MYBL1: variants seen among roughly 807,000 people sequenced by gnomAD.
MYBL1 encodes the protein myb-related protein A.
MYBL1 carries 17 observed loss-of-function variants against 96.3 expected under a neutral mutation model. The ratio of observed to expected loss-of-function variants is 0.18; its 90% CI spans 0.12 to 0.26. The LOEUF (loss-of-function observed/expected upper bound fraction) is 0.26, where lower values mean the gene tolerates loss of function less well. Among genes scored for constraint, MYBL1 ranks in the 10% least tolerant of loss-of-function variants. The pLI is 1.00. For synonymous variants in MYBL1, 282 were observed against 292.7 expected (o/e 0.96, Z 0.37); for missense variants, 701 against 882.9 (o/e 0.79, Z 2.61).
chr8:66,577,713 A>C (rs1297063326), intron 9 of MYBL1, among the ~76,000 whole-genome samples: 49 of 152,118 alleles, frequency 3.2e-4, no homozygotes, highest in Admixed American at 1.7e-3. Context: ...TTCTTCACAG[A>C]ATTGGAAAAA....
intron 8 of MYBL1, among the ~76,000 whole-genome samples, chr8:66,589,996 C>T (rs1035430972): frequency 6.6e-6 from 1 of 152,010 alleles, no homozygotes; most frequent in Non-Finnish European, 1.5e-5. Context: ...ACTGCTTAAA[C>T]CTAAGAGGCT....
intron 1 of MYBL1, among the ~76,000 whole-genome samples, chr8:66,607,126 CA>C (rs941254127): frequency 1.5e-5 from 2 of 131,110 alleles, no homozygotes; most frequent in Non-Finnish European, 3.4e-5. Flanking sequence ...TGTGTTAAAA[CA>C]ACAAAAAAAA....
At chr8:66,580,858 C>CTT (rs796667192) in intron 8 of MYBL1, among the ~76,000 whole-genome samples, 12 of 137,268 alleles carry the variant, frequency 8.7e-5, no homozygotes, top group Admixed American at 1.7e-4. Flanking sequence ...GGAAGCTCTT[C>CTT]TTTTTTTTTT....
intron 8 of MYBL1, among the ~76,000 whole-genome samples, chr8:66,585,139 C>T (rs145657080): frequency 3.3e-4 from 50 of 152,146 alleles, no homozygotes; most frequent in African/African-American, 1.1e-3. Flanking sequence ...CACACTAACA[C>T]GCTTCCAAAT....
At chr8:66,582,694 G>A (rs1386716324) in intron 8 of MYBL1, among the ~76,000 whole-genome samples, 1 of 148,724 alleles carries the variant, frequency 6.7e-6, no homozygotes, top group South Asian at 2.1e-4. Context: ...TTTCAGCCTG[G>A]GGGGACGGAG....
rs980168782 is a variant in MYBL1, at chr8:66,563,731, A to T, written c.*966T>A. 3.3e-5 allele frequency: 5 copies of T among 152,470 alleles called. No homozygotes were observed. In the East Asian group the frequency reaches 9.6e-4, roughly 29 times the overall value. The allele number at this position is 152,470 out of a possible 1,614,324, so 9.4% of individuals were successfully genotyped here. ...AGAAAATATTAAATTATTATTTAGT[A>T]CATTTTTAGAACTACTTTATAACCA... is the stretch of plus-strand genomic sequence containing the variant. On this transcript the variant is annotated 3_prime_UTR_variant, in exon 16 of 16. Transcript: ENST00000522677.
rs773158414 is a variant in MYBL1, at chr8:66,576,094, G to T, written c.1383C>A (p.Ser461Arg). 6.2e-7 allele frequency: 1 copy of T among 1,613,904 alleles called. No homozygotes were observed. The highest frequency in any genetic ancestry group is 1.7e-5 in the Admixed American group (1 of 60,008). ...CGTTCAATGAGCCATCCCTAAGTTC[G>T]CTGCCTGGGGAATGACCCACTCGCA... is the stretch of plus-strand genomic sequence containing the variant. ...RKMRVGHSPG[S>R]ELRDGSLNDG... Residue 461 changes from serine to arginine, a missense_variant, in exon 10 of 16, where the codon AGC becomes AGA. By Grantham distance (110) the Ser-to-Arg change is moderately radical (BLOSUM62 -1). This residue lies in a region of MYBL1 where 396 missense variants were observed against 407.4 expected (regional missense o/e 0.97). Transcript: ENST00000522677.
At chr8:66,575,012 C>A (rs1407114170) in intron 10 of MYBL1, among the ~76,000 whole-genome samples, 3 of 152,092 alleles carry the variant, frequency 2.0e-5, no homozygotes, top group Non-Finnish European at 2.9e-5. Flanking sequence ...CGAGATGGTG[C>A]CATTGCACCC....
intron 12 of MYBL1, among the ~76,000 whole-genome samples, chr8:66,568,599 G>C (rs987811046): frequency 6.6e-6 from 1 of 151,236 alleles, no homozygotes; most frequent in Non-Finnish European, 1.5e-5. Context: ...CACCACCCCC[G>C]GTCTCAAAGA....
intron 10 of MYBL1, among the ~76,000 whole-genome samples, chr8:66,575,767 G>C (rs1469395978): frequency 6.6e-6 from 1 of 152,046 alleles, no homozygotes; most frequent in African/African-American, 2.4e-5. Context: ...TCCAACCTCG[G>C]CAACAAAGTG....
chr8:66,568,430 G>A (rs896960638), intron 12 of MYBL1, among the ~76,000 whole-genome samples: 2 of 151,844 alleles, frequency 1.3e-5, no homozygotes, highest in African/African-American at 4.8e-5. Context: ...GGGATCAACC[G>A]AGTAGCTAGC....
At chr8:66,572,809 A>G (rs1808786842) in intron 11 of MYBL1, among the ~76,000 whole-genome samples, 1 of 152,212 alleles carries the variant, frequency 6.6e-6, no homozygotes, top group Non-Finnish European at 1.5e-5. Context: ...AATATAGAAA[A>G]AAGTACTAGA....
intron 15 of MYBL1, 59 bp downstream of exon 15, chr8:66,566,005 C>T: frequency 3.4e-6 from 4 of 1,161,364 alleles, no homozygotes; most frequent in Non-Finnish European, 2.4e-6. Context: ...TCAGTAAATC[C>T]AAAGTGATCA....
intron 1 of MYBL1, among the ~76,000 whole-genome samples, chr8:66,611,005 T>TATTCTCAATAA (rs1328925750): frequency 6.6e-6 from 1 of 152,210 alleles, no homozygotes; most frequent in Non-Finnish European, 1.5e-5. Context: ...AAGCTCACAG[T>TATTCTCAATAA]ATTCTCAATA....
Position 66,613,032 on chromosome 8 carries a change from C to G in MYBL1, c.-194G>C, listed in dbSNP as rs1293539756. ...GGGCGGACCGCGACCCGACCCCGAC[C>G]CCGGCCCGCAGCGCCGCTCTTAGCC... is the stretch of plus-strand genomic sequence containing the variant. On this transcript the variant is annotated 5_prime_UTR_variant, in exon 1 of 16. Coordinates refer to ENST00000522677, the MANE Select transcript of MYBL1 (RefSeq NM_001080416.4). The G allele has an allele frequency of 1.9e-6, 1 of 526,200 alleles. No homozygotes were observed. Among genetic ancestry groups the G allele is most frequent in the East Asian group, 3.5e-5 (1 of 28,638 alleles). The allele number at this position is 526,200 out of a possible 1,614,324, so 32.6% of individuals were successfully genotyped here. A position where few individuals can be genotyped will look rare whatever the true frequency, so the allele number is the denominator to read the frequency against.
chr8:66,566,666 T>C lies in MYBL1; in HGVS notation c.1950+18A>G, dbSNP rs1808515589. On this transcript the variant is annotated intron_variant, in intron 14 of 15. Coordinates refer to ENST00000522677, the MANE Select transcript of MYBL1 (RefSeq NM_001080416.4). The stretch of plus-strand genomic sequence containing the variant: ...AAGCAACCATTTAAAATAACAACAA[T>C]AATAATCCTTTACAAACCTGCATGT... 6.6e-7 allele frequency: 1 copy of C among 1,509,234 alleles called. No homozygotes were observed. 93.5% of individuals were successfully genotyped at this position (1,509,234 alleles called of 1,614,324 possible).
Position 66,604,555 on chromosome 8 carries a change from C to G in MYBL1, c.21-2032G>C, listed in dbSNP as rs117979977. On this transcript the variant is annotated intron_variant, in intron 1 of 15. Coordinates refer to ENST00000522677, the MANE Select transcript of MYBL1 (RefSeq NM_001080416.4). ...GTGTCCTACTTTACAATAAAATAAA[C>G]TGGAGTGAAGCAATTATTTACATTT... Among the ~76,000 whole-genome samples the G allele has an allele frequency of 4.0e-3, 611 of 151,190 alleles. 8 individuals are homozygous for G. The highest frequency in any genetic ancestry group is 4.2e-3 in the Non-Finnish European group (287 of 67,768).
At chr8:66,602,726 TATA>T (rs1563551208) in intron 1 of MYBL1, among the ~76,000 whole-genome samples, 73 of 51,020 alleles carry the variant, frequency 1.4e-3, no homozygotes, top group African/African-American at 4.5e-3. Flanking sequence ...TATATATATA[TATA>T]TATATTTTTT....
chr8:66,580,930 G>T (rs1354840599), intron 8 of MYBL1, among the ~76,000 whole-genome samples: 6 of 149,916 alleles, frequency 4.0e-5, no homozygotes, highest in African/African-American at 1.5e-4. Context: ...GTGCTCTCTC[G>T]GCTCACTGCA....
Sources: allele counts gnomAD v4.1 joint callset (sites outside exome capture counted in the v4.1 genomes callset), GRCh38; gene constraint gnomAD v4.1.1; regional missense constraint gnomAD v4.1.1; transcripts MANE v1.5; gene names NCBI Gene and HGNC (gene_info 2026-07-23, HGNC 2026-07-21).